SOX5: variants seen among roughly 807,000 people sequenced by gnomAD.
SOX5 encodes transcription factor SOX-5.
In SOX5, 9 loss-of-function variants were observed where a neutral mutation model predicts 92.0. The ratio of observed to expected loss-of-function variants is 0.10; its 90% confidence interval spans 0.06 to 0.17. The LOEUF is 0.17. Among genes scored for constraint, SOX5 ranks in the 10% least tolerant of loss-of-function variants. SOX5 has a pLI of 1.00. For synonymous variants in SOX5, 344 were observed against 336.3 expected (o/e 1.02, Z -0.25); for missense variants, 642 against 944.5 (o/e 0.68, Z 4.20).
intron 4 of SOX5, among the ~76,000 whole-genome samples, chr12:24,182,734 G>A (rs1429102966): frequency 1.3e-5 from 2 of 152,100 alleles, no homozygotes; most frequent in Non-Finnish European, 2.9e-5. Context: ...AATTCTTTGA[G>A]ACAGAATCTC....
chr12:24,178,480 G>A (rs1955090433), intron 4 of SOX5, among the ~76,000 whole-genome samples: 1 of 152,090 alleles, frequency 6.6e-6, no homozygotes, highest in South Asian at 2.1e-4. Flanking sequence ...GGAGTTCCAA[G>A]CAGAACTGGG....
intron 4 of SOX5, among the ~76,000 whole-genome samples, chr12:23,989,253 G>A (rs1009637779): frequency 6.6e-6 from 1 of 151,072 alleles, no homozygotes; most frequent in Admixed American, 6.6e-5. Context: ...TTAGCTAGGC[G>A]TGGTGTTGCG....
intron 6 of SOX5, among the ~76,000 whole-genome samples, chr12:23,675,032 A>G (rs545871165): frequency 1.3e-5 from 2 of 152,172 alleles, no homozygotes; most frequent in South Asian, 4.1e-4. Flanking sequence ...AATTTTTTTG[A>G]TATTTGACTG....
chr12:24,510,861 C>T (rs1484707511), intron 1 of SOX5, among the ~76,000 whole-genome samples: 1 of 152,110 alleles, frequency 6.6e-6, no homozygotes, highest in Non-Finnish European at 1.5e-5. Context: ...GATATGAGTA[C>T]CCACAGTGAA....
chr12:24,390,182 T>C (rs1172716028), intron 1 of SOX5, among the ~76,000 whole-genome samples: 1 of 152,166 alleles, frequency 6.6e-6, no homozygotes, highest in Non-Finnish European at 1.5e-5. Context: ...GCTTTAGACA[T>C]TAAATTGTCA....
intron 4 of SOX5, among the ~76,000 whole-genome samples, chr12:24,124,013 G>C (rs1456237325): frequency 1.3e-5 from 2 of 152,170 alleles, no homozygotes; most frequent in Non-Finnish European, 2.9e-5. Context: ...GCAATTGCAT[G>C]GCTGGTTAAA....
At chr12:24,561,451 TCAA>T (rs1954328235) in intron 1 of SOX5, among the ~76,000 whole-genome samples, 7 of 152,196 alleles carry the variant, frequency 4.6e-5, no homozygotes, top group Admixed American at 4.6e-4. Flanking sequence ...CGATCAATAC[TCAA>T]CAAACTGCTG....
chr12:24,170,192 GA>G (rs74707951), intron 4 of SOX5, among the ~76,000 whole-genome samples: 61,402 of 151,968 alleles, frequency 0.4, 12,897 homozygotes, highest in Non-Finnish European at 0.47. Flanking sequence ...AGGAACATTG[GA>G]AAACACAAGG....
chr12:23,932,767 T>C lies in SOX5; in HGVS notation c.38+16797A>G, dbSNP rs185021628. Among the ~76,000 whole-genome samples the C allele has an allele frequency of 7.7e-4, 117 of 151,696 alleles. 1 individual carries two copies. The East Asian group carries it at 0.019, about 25-fold the overall frequency. On this transcript the variant is annotated intron_variant, in intron 1 of 14. Transcript: ENST00000451604. ...CCACAATGTTTTCGGTTACAGCAAATGTAAAATCAAAAATCTTCTTGGTTG... is the reference window on the plus strand; with the variant it reads ...CCACAATGTTTTCGGTTACAGCAAACGTAAAATCAAAAATCTTCTTGGTTG...
intron 4 of SOX5, among the ~76,000 whole-genome samples, chr12:23,980,820 A>G (rs1015155320): frequency 1.3e-5 from 2 of 152,164 alleles, no homozygotes; most frequent in African/African-American, 4.8e-5. Flanking sequence ...CTTCCATTGG[A>G]AACCACGCTG....
At chr12:24,142,244 T>C (rs1950654949) in intron 4 of SOX5, among the ~76,000 whole-genome samples, 1 of 152,172 alleles carries the variant, frequency 6.6e-6, no homozygotes, top group Non-Finnish European at 1.5e-5. Context: ...GCACTCCCGC[T>C]TCTCCTCAAC....
chr12:23,681,157 G>A (rs1276194169), intron 6 of SOX5, among the ~76,000 whole-genome samples: 4 of 151,900 alleles, frequency 2.6e-5, no homozygotes, highest in Non-Finnish European at 5.9e-5. Context: ...CATAGCTAGG[G>A]AGTGCTATGG....
At chr12:24,029,156 T>G (rs1955207094) in intron 4 of SOX5, among the ~76,000 whole-genome samples, 1 of 152,058 alleles carries the variant, frequency 6.6e-6, no homozygotes, top group Non-Finnish European at 1.5e-5. Context: ...TACACATTAT[T>G]TTCTATTGAC....
chr12:24,303,044 T>C (rs1050636277), intron 2 of SOX5, among the ~76,000 whole-genome samples: 1 of 151,574 alleles, frequency 6.6e-6, no homozygotes, highest in Non-Finnish European at 1.5e-5. Flanking sequence ...CAAAGGAAAG[T>C]GAATACATTA....
At chr12:23,994,162 A>G (rs1950829532) in intron 4 of SOX5, among the ~76,000 whole-genome samples, 1 of 152,028 alleles carries the variant, frequency 6.6e-6, no homozygotes, top group Admixed American at 6.6e-5. Flanking sequence ...AAGAAAAAGG[A>G]ATGTTTCTAT....
chr12:23,675,283 G>T (rs2085479656), intron 6 of SOX5, among the ~76,000 whole-genome samples: 2 of 152,066 alleles, frequency 1.3e-5, no homozygotes, highest in Non-Finnish European at 2.9e-5. Flanking sequence ...TTCCCCAAAA[G>T]ACTTACAATT....
chr12:24,235,079 G>A, intron 3 of SOX5, among the ~76,000 whole-genome samples: 1 of 152,160 alleles, frequency 6.6e-6, no homozygotes, highest in African/African-American at 2.4e-5. Flanking sequence ...TGTTTGTTTT[G>A]CTTTTTAAAA....
intron 4 of SOX5, among the ~76,000 whole-genome samples, chr12:24,006,690 T>C (rs922854253): frequency 1.3e-5 from 2 of 152,132 alleles, no homozygotes; most frequent in Admixed American, 6.5e-5. Flanking sequence ...TTCTCCGATA[T>C]TACCTTTATC....
chr12:24,352,602 G>A (rs1954227977), intron 2 of SOX5, among the ~76,000 whole-genome samples: 2 of 152,136 alleles, frequency 1.3e-5, no homozygotes, highest in Non-Finnish European at 2.9e-5. Context: ...TTTTACTCAG[G>A]CACTGATTGG....
Sources: allele counts gnomAD v4.1 joint callset (sites outside exome capture counted in the v4.1 genomes callset), GRCh38; gene constraint gnomAD v4.1.1; transcripts MANE v1.5; gene names NCBI Gene and HGNC (gene_info 2026-07-23, HGNC 2026-07-21).